Variants in CPQ observed in about 807,000 individuals in gnomAD.
CPQ encodes Ser-Met dipeptidase.
In CPQ, 37 loss-of-function variants were observed where a neutral mutation model predicts 45.7. The ratio of observed to expected loss-of-function variants is 0.81; its 90% CI spans 0.62 to 1.07. The LOEUF is 1.07. Ranked by LOEUF, CPQ falls within the 50% of genes least tolerant of loss-of-function variation. The pLI, the probability that CPQ is intolerant of heterozygous loss-of-function variation, is 0.00. For missense variants in CPQ, 537 were observed against 572.9 expected, an observed-to-expected ratio of 0.94 and a Z score of 0.64; for synonymous variants, 186 against 205.8, an observed-to-expected ratio of 0.90 and a Z score of 0.82.
chr8:96,651,578 T>A (rs1228770479), intron 1 of CPQ, among the ~76,000 whole-genome samples: 1 of 152,198 alleles, frequency 6.6e-6, no homozygotes, highest in Non-Finnish European at 1.5e-5. Context: ...TTAGATCTGT[T>A]GTTTTACATG....
At chr8:96,900,321 T>C (rs1377988227) in intron 4 of CPQ, among the ~76,000 whole-genome samples, 1 of 152,156 alleles carries the variant, frequency 6.6e-6, no homozygotes, top group East Asian at 1.9e-4. Flanking sequence ...AAAGATGAGC[T>C]TGGTTTTAGG....
chr8:96,645,384 G>C lies in CPQ; in HGVS notation c.-53G>C, dbSNP rs999693165. 1 of 152,758 alleles carries C rather than the reference G, an allele frequency of 6.5e-6. No homozygotes were observed. The highest frequency in any genetic ancestry group is 6.5e-5 in the Admixed American group (1 of 15,296). 9.5% of individuals were successfully genotyped at this position (152,758 alleles called of 1,614,324 possible). On this transcript the variant is annotated 5_prime_UTR_variant, in exon 1 of 8. Transcript: ENST00000220763. Reference sequence around the variant, plus strand: ...CCTGGGAGCCGCCTCCGTCGCCGCCGTCAGAGCCGCCCTATCAGGTGTGTT... The same window carrying C: ...CCTGGGAGCCGCCTCCGTCGCCGCCCTCAGAGCCGCCCTATCAGGTGTGTT...
At chr8:96,962,825 C>A (rs2130356967) in intron 4 of CPQ, among the ~76,000 whole-genome samples, 1 of 152,168 alleles carries the variant, frequency 6.6e-6, no homozygotes, top group African/African-American at 2.4e-5. Flanking sequence ...TTAGAAGTAT[C>A]TTTTTGTCAT....
At chr8:97,109,386 T>C (rs1442596034) in intron 7 of CPQ, among the ~76,000 whole-genome samples, 15 of 152,200 alleles carry the variant, frequency 9.9e-5, no homozygotes, top group Admixed American at 9.8e-4. Context: ...ACCACAGTTC[T>C]ACCTTTCACT....
chr8:97,121,168 G>C (rs1647837811), intron 7 of CPQ, among the ~76,000 whole-genome samples: 1 of 152,156 alleles, frequency 6.6e-6, no homozygotes, highest in African/African-American at 2.4e-5. Context: ...TGAAATGTAG[G>C]AGCAAGAGCA....
chr8:96,814,147 A>G (rs1017822089), intron 2 of CPQ, among the ~76,000 whole-genome samples: 1 of 152,070 alleles, frequency 6.6e-6, no homozygotes, highest in African/African-American at 2.4e-5. Flanking sequence ...GATGATATAA[A>G]CAATAAATAC....
intron 4 of CPQ, among the ~76,000 whole-genome samples, chr8:96,947,341 A>G (rs1222230740): frequency 6.6e-6 from 1 of 152,184 alleles, no homozygotes; most frequent in Admixed American, 6.6e-5. Flanking sequence ...TGTACACCCT[A>G]TGGTGCTTGC....
chr8:96,695,570 C>A (rs1809366639), intron 1 of CPQ, among the ~76,000 whole-genome samples: 1 of 152,114 alleles, frequency 6.6e-6, no homozygotes, highest in African/African-American at 2.4e-5. Context: ...CCAGAATCTA[C>A]AATGAACTCA....
chr8:97,023,171 G>A (rs569648781), intron 5 of CPQ, among the ~76,000 whole-genome samples: 68 of 150,698 alleles, frequency 4.5e-4, no homozygotes, highest in African/African-American at 1.5e-3. Context: ...AATGGCATTC[G>A]CAGTGACCTG....
At chr8:96,849,943 G>C (rs1363260516) in intron 3 of CPQ, among the ~76,000 whole-genome samples, 1 of 152,178 alleles carries the variant, frequency 6.6e-6, no homozygotes, top group African/African-American at 2.4e-5. Context: ...AGGTCATTCA[G>C]CTAAGTAGAA....
chr8:96,707,818 T>C (rs1461848246), intron 1 of CPQ, among the ~76,000 whole-genome samples: 1 of 152,112 alleles, frequency 6.6e-6, no homozygotes, highest in East Asian at 1.9e-4. Flanking sequence ...CTGGAGGCTC[T>C]AGGGGAGAAT....
At chr8:96,751,442 G>A (rs535701560) in intron 1 of CPQ, among the ~76,000 whole-genome samples, 67 of 152,242 alleles carry the variant, frequency 4.4e-4, no homozygotes, top group Admixed American at 8.5e-4. Context: ...CTTCTTTTGA[G>A]AAGTGTCTGT....
At chr8:96,946,986 A>C (rs955366162) in intron 4 of CPQ, among the ~76,000 whole-genome samples, 2 of 152,168 alleles carry the variant, frequency 1.3e-5, no homozygotes, top group Non-Finnish European at 2.9e-5. Context: ...TAACTTGTAC[A>C]TCTACTGTCC....
At chr8:96,920,113 A>G (rs1052176034) in intron 4 of CPQ, among the ~76,000 whole-genome samples, 1 of 152,178 alleles carries the variant, frequency 6.6e-6, no homozygotes, top group Non-Finnish European at 1.5e-5. Flanking sequence ...CATTTGTTAT[A>G]TATATCATGA....
chr8:96,876,677 G>A (rs1385192372), intron 3 of CPQ, among the ~76,000 whole-genome samples: 3 of 152,140 alleles, frequency 2.0e-5, no homozygotes, highest in African/African-American at 4.8e-5. Context: ...AGCATCTGCT[G>A]GGATAATCAT....
chr8:96,835,236 A>G, intron 3 of CPQ, 56 bp downstream of exon 3: 1 of 1,332,536 alleles, frequency 7.5e-7, no homozygotes, highest in Non-Finnish European at 9.9e-7. Flanking sequence ...TCCGTGAAGG[A>G]AAAGTCCTTA....
chr8:97,113,780 T>A (rs1221523309), intron 7 of CPQ, among the ~76,000 whole-genome samples: 1 of 152,350 alleles, frequency 6.6e-6, no homozygotes, highest in Admixed American at 6.5e-5. Context: ...ATCTGGTGGA[T>A]ACTCACCCAG....
rs971380078 is a variant in CPQ, at chr8:96,753,738, C to T, written c.-34-31126C>T. Among the ~76,000 whole-genome samples the T allele has an allele frequency of 3.3e-5, 5 of 151,948 alleles. No individual in the cohort carries two copies. The South Asian group carries it at 1.0e-3, about 31-fold the overall frequency. Reference sequence around the variant, plus strand: ...TCATACCTTCTGCAAATAATTATAACTTCTATTCTCTTTTGAAATAGTTGT... The same window carrying T: ...TCATACCTTCTGCAAATAATTATAATTTCTATTCTCTTTTGAAATAGTTGT... On this transcript the variant is annotated intron_variant, in intron 1 of 7. Coordinates refer to ENST00000220763, the MANE Select transcript of CPQ (RefSeq NM_016134.4).
At chr8:96,681,795 G>T (rs976672484) in intron 1 of CPQ, among the ~76,000 whole-genome samples, 1 of 152,200 alleles carries the variant, frequency 6.6e-6, no homozygotes, top group Non-Finnish European at 1.5e-5. Context: ...AGGCAGAGCT[G>T]CCCAAGGCCA....
Sources: gnomAD v4.1 joint callset for allele counts (sites outside exome capture counted in the v4.1 genomes callset) on GRCh38, gnomAD v4.1.1 for gene constraint, MANE v1.5 for transcripts, NCBI Gene and HGNC (gene_info 2026-07-23, HGNC 2026-07-21) for gene names.